IL18: variants seen among roughly 807,000 people sequenced by gnomAD.
IL18 encodes interleukin 18.
In IL18, 8 loss-of-function variants were observed where a neutral mutation model predicts 14.2. That is an observed-to-expected ratio of 0.56 (90% CI 0.33 to 1.01). The LOEUF is 1.01. IL18 is among the 50% of genes least tolerant of loss of function. IL18 has a pLI of 0.03. For synonymous variants in IL18, 67 were observed against 71.0 expected (o/e 0.94, Z 0.28); for missense variants, 166 against 231.1 (o/e 0.72, Z 1.83).
intron 1 of IL18, among the ~76,000 whole-genome samples, chr11:112,162,601 T>C (rs1367170024): frequency 6.6e-6 from 1 of 152,130 alleles, no homozygotes; most frequent in African/African-American, 2.4e-5. Context: ...TGCCTTGGCC[T>C]TCCAAAGTGT....
rs1039820372 is a variant in IL18 at position 112,154,867 on chromosome 11, G to A, written c.79+108C>T. 14 of 661,366 alleles carry A rather than the reference G, an allele frequency of 2.1e-5. No homozygotes were observed. The African/African-American group carries it at 2.4e-4, about 11-fold the overall frequency. The allele number at this position is 661,366 out of a possible 1,614,324, so 41.0% of individuals were successfully genotyped here. A position where few individuals can be genotyped will look rare whatever the true frequency, so the allele number is the denominator to read the frequency against. On this transcript the variant is annotated intron_variant, in intron 2 of 5. Transcript: ENST00000280357. ...TTTTTTAAGAGCCATTAATATTACAGTGAAATTTGGTGACAAAAAGAGTCA... is the reference window on the plus strand; with the variant it reads ...TTTTTTAAGAGCCATTAATATTACAATGAAATTTGGTGACAAAAAGAGTCA...
At position 112,150,060 on chromosome 11, in the gene IL18, TAA is replaced by T. The variant is rs558520308; in HGVS notation, c.226+10_226+11del. ...GCTAGTCATTTCTATGTTTGCGAAT[TAA>T]AAAAAATACCTCTACAGTCAGAATC... On this transcript the variant is annotated intron_variant, in intron 4 of 5. Transcript: ENST00000280357. 3.2e-6 allele frequency: 5 copies of T among 1,584,508 alleles called. No homozygotes were observed. In the Admixed American group the frequency reaches 9.6e-5, roughly 30 times the overall value.
chr11:112,147,022 C>T (rs1866355906), intron 5 of IL18, among the ~76,000 whole-genome samples: 1 of 151,478 alleles, frequency 6.6e-6, no homozygotes, highest in Non-Finnish European at 1.5e-5. Context: ...CCTCTGCCTC[C>T]CGGGTTCAAA....
At chr11:112,146,182 T>C (rs1866340117) in intron 5 of IL18, among the ~76,000 whole-genome samples, 1 of 152,008 alleles carries the variant, frequency 6.6e-6, no homozygotes, top group African/African-American at 2.4e-5. Flanking sequence ...TGTATATGTA[T>C]ATATATGAAA....
chr11:112,154,298 G>T (rs1209192951), intron 2 of IL18, among the ~76,000 whole-genome samples: 1 of 152,090 alleles, frequency 6.6e-6, no homozygotes, highest in Non-Finnish European at 1.5e-5. Flanking sequence ...GCCGAGGCAG[G>T]AGGATCATCT....
intron 2 of IL18, among the ~76,000 whole-genome samples, chr11:112,154,365 A>C (rs1375990539): frequency 6.6e-6 from 1 of 152,034 alleles, no homozygotes; most frequent in African/African-American, 2.4e-5. Context: ...TCTCTAGTAA[A>C]AATACAAAAA....
intron 1 of IL18, among the ~76,000 whole-genome samples, chr11:112,157,060 G>C (rs1157918311): frequency 6.6e-6 from 1 of 152,052 alleles, no homozygotes; most frequent in African/African-American, 2.4e-5. Context: ...TGAGCTCCAC[G>C]AGGGCATGTT....
intron 2 of IL18, 28 bp downstream of exon 2, chr11:112,154,947 G>C (rs1446378223): frequency 3.0e-6 from 4 of 1,346,924 alleles, no homozygotes; most frequent in Middle Eastern, 1.8e-4. Context: ...ATCTGAACCT[G>C]GTATTTGTTC....
chr11:112,147,483 A>G (rs1240223153), intron 5 of IL18, among the ~76,000 whole-genome samples: 1 of 152,128 alleles, frequency 6.6e-6, no homozygotes, highest in African/African-American at 2.4e-5. Context: ...TATGTTGTTC[A>G]GTAACAGCAT....
At chr11:112,149,981 G>C (rs1160832602) in intron 4 of IL18, 91 bp downstream of exon 4, 2 of 1,118,380 alleles carry the variant, frequency 1.8e-6, no homozygotes, top group Admixed American at 2.5e-5. Context: ...TTTCATCTGA[G>C]GATTGGGACT....
At chr11:112,149,312 A>C (rs940645345) in intron 4 of IL18, among the ~76,000 whole-genome samples, 1 of 151,934 alleles carries the variant, frequency 6.6e-6, no homozygotes, top group African/African-American at 2.4e-5. Flanking sequence ...AAACAAACAA[A>C]CAACCCCACA....
intron 1 of IL18, 44 bp from the exon 2 acceptor site, chr11:112,155,105 C>T: frequency 6.0e-6 from 7 of 1,167,558 alleles, no homozygotes; most frequent in Non-Finnish European, 9.0e-6. Context: ...AATGATTGTA[C>T]CTTTTACTAC....
intron 1 of IL18, among the ~76,000 whole-genome samples, chr11:112,158,587 A>C (rs913492658): frequency 7.4e-6 from 1 of 135,454 alleles, no homozygotes; most frequent in South Asian, 2.2e-4. Flanking sequence ...ATCATATATA[A>C]AATTATTTAA....
chr11:112,159,086 C>A (rs1479151682), intron 1 of IL18, among the ~76,000 whole-genome samples: 3 of 152,130 alleles, frequency 2.0e-5, no homozygotes, highest in Non-Finnish European at 1.5e-5. Context: ...TGTGCAGTGG[C>A]TCATGCCTGT....
At chr11:112,159,835 T>C (rs574407310) in intron 1 of IL18, among the ~76,000 whole-genome samples, 2 of 152,202 alleles carry the variant, frequency 1.3e-5, no homozygotes, top group African/African-American at 2.4e-5. Context: ...TGGACAAATA[T>C]CTAGGACAGA....
chr11:112,155,176 C>A, intron 1 of IL18, 115 bp from the exon 2 acceptor site: 2 of 556,420 alleles, frequency 3.6e-6, no homozygotes, highest in Non-Finnish European at 6.5e-6. Flanking sequence ...GATGAACAAT[C>A]TTGACATTCA....
At chr11:112,158,446 C>T (rs2135322730) in intron 1 of IL18, among the ~76,000 whole-genome samples, 1 of 148,492 alleles carries the variant, frequency 6.7e-6, no homozygotes, top group Non-Finnish European at 1.5e-5. Flanking sequence ...TCCACACAGC[C>T]TATTATGGTG....
intron 1 of IL18, among the ~76,000 whole-genome samples, chr11:112,156,028 A>T (rs1158355620): frequency 6.6e-6 from 1 of 152,190 alleles, no homozygotes; most frequent in Non-Finnish European, 1.5e-5. Flanking sequence ...ACTACTTTGA[A>T]ATTACAGAAG....
At chr11:112,156,193 AT>A (rs1035032807) in intron 1 of IL18, among the ~76,000 whole-genome samples, 3 of 152,204 alleles carry the variant, frequency 2.0e-5, no homozygotes, top group African/African-American at 7.2e-5. Context: ...CCTAGCATGT[AT>A]GGTAGAGTAA....
Sources: gnomAD v4.1 joint callset for allele counts (sites outside exome capture counted in the v4.1 genomes callset) on GRCh38, gnomAD v4.1.1 for gene constraint, MANE v1.5 for transcripts, NCBI Gene and HGNC (gene_info 2026-07-23, HGNC 2026-07-21) for gene names.